The following ZGRF1 variants were observed in gnomAD, a reference collection of about 807,000 sequenced individuals.
ZGRF1 encodes zinc finger GRF-type containing 1.
A neutral mutation model predicts 203.5 loss-of-function variants in ZGRF1; 196 were observed. The ratio of observed to expected loss-of-function variants is 0.96; its 90% CI spans 0.86 to 1.08. The LOEUF is 1.08. Among genes scored for constraint, ZGRF1 ranks in the 50% least tolerant of loss-of-function variants. The pLI, the probability that ZGRF1 is intolerant of heterozygous loss-of-function variation, is 0.00. For synonymous variants in ZGRF1, 809 were observed against 841.3 expected (o/e 0.96, Z 0.66); for missense variants, 2,326 against 2,416.3 (o/e 0.96, Z 0.78).
intron 1 of ZGRF1, among the ~76,000 whole-genome samples, chr4:112,635,267 T>C (rs1489360378): frequency 6.6e-6 from 1 of 151,702 alleles, no homozygotes; most frequent in Non-Finnish European, 1.5e-5. Context: ...AGATATGCTG[T>C]ATACATAGAT....
intron 4 of ZGRF1, 119 bp downstream of exon 4, chr4:112,623,698 A>G (rs2047136791): frequency 1.6e-6 from 1 of 618,458 alleles, no homozygotes; most frequent in Non-Finnish European, 2.9e-6. Flanking sequence ...GTCTAGCTAT[A>G]ATGTTCAACA....
At chr4:112,573,711 T>C (rs1044414845) in intron 16 of ZGRF1, among the ~76,000 whole-genome samples, 6 of 152,116 alleles carry the variant, frequency 3.9e-5, no homozygotes, top group Admixed American at 3.9e-4. Flanking sequence ...AATATGACTA[T>C]TCTAAAATTA....
At chr4:112,540,278 T>C (rs1578630713) in intron 26 of ZGRF1, among the ~76,000 whole-genome samples, 154 bp from the exon 27 acceptor site, 1 of 152,132 alleles carries the variant, frequency 6.6e-6, no homozygotes, top group Non-Finnish European at 1.5e-5. Flanking sequence ...TCTAAAATGA[T>C]AGATAAATGA....
At chr4:112,615,277 A>C (rs1393843325) in intron 6 of ZGRF1, among the ~76,000 whole-genome samples, 2 of 152,020 alleles carry the variant, frequency 1.3e-5, no homozygotes, top group Non-Finnish European at 2.9e-5. Flanking sequence ...ACCCAGGCTA[A>C]AGTGCAGTGA....
intron 10 of ZGRF1, among the ~76,000 whole-genome samples, chr4:112,594,306 AC>A (rs769019792): frequency 1.8e-4 from 27 of 152,132 alleles, no homozygotes; most frequent in Non-Finnish European, 3.4e-4. Context: ...TTTATATTCA[AC>A]AGTAAATTTC....
chr4:112,547,157 GACA>G (rs2148830418), intron 24 of ZGRF1, 125 bp downstream of exon 24: 1 of 952,062 alleles, frequency 1.1e-6, no homozygotes, highest in East Asian at 2.7e-5. Flanking sequence ...TTACTTTCCA[GACA>G]ACTCCAATTA....
intron 6 of ZGRF1, among the ~76,000 whole-genome samples, chr4:112,614,279 A>C (rs993994315): frequency 2.0e-5 from 3 of 152,224 alleles, no homozygotes; most frequent in African/African-American, 7.2e-5. Context: ...AAGCAAATTT[A>C]GTCGATCATT....
intron 4 of ZGRF1, among the ~76,000 whole-genome samples, chr4:112,621,674 A>T (rs2047064590): frequency 6.6e-6 from 1 of 150,848 alleles, no homozygotes; most frequent in African/African-American, 2.4e-5. Context: ...AAAAATTATC[A>T]GCTGAATTTG....
intron 11 of ZGRF1, among the ~76,000 whole-genome samples, chr4:112,589,259 A>G (rs1326980525): frequency 6.6e-6 from 1 of 152,156 alleles, no homozygotes; most frequent in Non-Finnish European, 1.5e-5. Flanking sequence ...GCCAAAATAT[A>G]TGAAAACCTA....
chr4:112,559,645 A>T (rs1243185576), intron 19 of ZGRF1, among the ~76,000 whole-genome samples: 1 of 152,228 alleles, frequency 6.6e-6, no homozygotes, highest in Non-Finnish European at 1.5e-5. Context: ...TGTGCCAAGC[A>T]CTGTTCTAAG....
Position 112,565,755 on chromosome 4 carries a change from A to G in ZGRF1, c.4439-2481T>C, listed in dbSNP as rs552098367. On this transcript the variant is annotated intron_variant, in intron 16 of 27. Coordinates refer to ENST00000505019, the MANE Select transcript of ZGRF1 (RefSeq NM_018392.5). The stretch of plus-strand genomic sequence containing the variant: ...AAAAACACATGAAAAAATGCTCACC[A>G]TCACTGGCCATCAGAGAAATGCAAA... Among the ~76,000 whole-genome samples, 9 of 152,346 alleles carry G rather than the reference A, an allele frequency of 5.9e-5. No homozygotes were observed. In the East Asian group the frequency reaches 1.3e-3, roughly 23 times the overall value.
chr4:112,606,216 T>C, intron 8 of ZGRF1, 125 bp from the exon 9 acceptor site: 3 of 642,116 alleles, frequency 4.7e-6, no homozygotes, highest in Non-Finnish European at 5.4e-6. Context: ...GCCATCTCTA[T>C]CTTGCTTCTG....
intron 16 of ZGRF1, chr4:112,565,244 A>T: frequency 6.3e-7 from 1 of 1,593,378 alleles, no homozygotes; most frequent in Non-Finnish European, 8.6e-7. Flanking sequence ...CTGCACTTCC[A>T]GAGCGCAGCT....
In ZGRF1 at chr4:112,620,002, A is replaced by T. The variant is rs1203192776; in HGVS notation, c.351T>A (p.Thr117=). 1.3e-6 allele frequency: 2 copies of T among 1,567,194 alleles called. No individual in the cohort carries two copies. The highest frequency in any genetic ancestry group is 1.7e-6 in the Non-Finnish European group (2 of 1,163,872). Residue 117 remains threonine, a splice_region_variant and synonymous_variant, in exon 5 of 28, where the codon ACT becomes ACA. Coordinates refer to ENST00000505019, the MANE Select transcript of ZGRF1 (RefSeq NM_018392.5). ...CQPSGLKRKF[T]GFQGPRQVPK... The stretch of plus-strand genomic sequence containing the variant: ...TATTATTTTCCATAGCAAAACTTAC[A>T]GTAAACTTCCTTTTTAAGCCAGAGG...
chr4:112,585,238 C>G (rs1001617321), intron 14 of ZGRF1, among the ~76,000 whole-genome samples: 1 of 152,050 alleles, frequency 6.6e-6, no homozygotes, highest in Non-Finnish European at 1.5e-5. Context: ...CTACTGCACT[C>G]CATCCTGGGC....
At chr4:112,542,390 T>C (rs1313833732) in intron 24 of ZGRF1, among the ~76,000 whole-genome samples, 2 of 152,148 alleles carry the variant, frequency 1.3e-5, no homozygotes, top group Non-Finnish European at 2.9e-5. Flanking sequence ...ACAAAGCTAG[T>C]AGTAACAAGG....
At chr4:112,621,789 G>A (rs1454149144) in intron 4 of ZGRF1, among the ~76,000 whole-genome samples, 1 of 150,738 alleles carries the variant, frequency 6.6e-6, no homozygotes, top group Non-Finnish European at 1.5e-5. Context: ...GTGCAACAGC[G>A]CAATCTCGGC....
Position 112,601,010 on chromosome 4 carries a change from T to C in ZGRF1, c.2976+2514A>G, listed in dbSNP as rs1261282832. ...AGACTTCATCACCCCTACAACCTGG[T>C]GTTGGGTCTGATCACCCCAACAGCA... On this transcript the variant is annotated intron_variant, in intron 10 of 27. Coordinates refer to ENST00000505019, the MANE Select transcript of ZGRF1 (RefSeq NM_018392.5). Among the ~76,000 whole-genome samples the C allele has an allele frequency of 6.6e-5, 10 of 151,600 alleles. 1 individual carries two copies. The highest frequency in any genetic ancestry group is 7.4e-5 in the Non-Finnish European group (5 of 67,974).
intron 16 of ZGRF1, 123 bp from the exon 17 acceptor site, chr4:112,563,397 G>T: frequency 1.6e-6 from 1 of 631,206 alleles, no homozygotes; most frequent in Non-Finnish European, 2.5e-6. Context: ...ACATACACAA[G>T]ATGAGAAGTA....
Sources: allele counts gnomAD v4.1 joint callset (sites outside exome capture counted in the v4.1 genomes callset), GRCh38; gene constraint gnomAD v4.1.1; transcripts MANE v1.5; gene names NCBI Gene and HGNC (gene_info 2026-07-23, HGNC 2026-07-21).